The following CLSTN2 variants were observed in gnomAD, a reference collection of about 807,000 sequenced individuals.
CLSTN2 encodes calsyntenin 2.
CLSTN2 carries 48 observed loss-of-function variants against 101.2 expected under a neutral mutation model. The ratio of observed to expected loss-of-function variants is 0.47; its 90% CI spans 0.38 to 0.60. The LOEUF is 0.60. CLSTN2 is among the 20% of genes least tolerant of loss of function. The probability of loss-of-function intolerance (pLI) is 0.00; values close to 1 mark genes in which losing one functional copy is unlikely to be tolerated. For synonymous variants in CLSTN2, 481 were observed against 463.6 expected (o/e 1.04, Z -0.48); for missense variants, 1,160 against 1,238.2 (o/e 0.94, Z 0.95).
At chr3:140,484,360 T>A (rs1280170727) in intron 8 of CLSTN2, among the ~76,000 whole-genome samples, 1 of 152,224 alleles carries the variant, frequency 6.6e-6, no homozygotes, top group Non-Finnish European at 1.5e-5. Context: ...CTTCCCTTTG[T>A]GGGTAACCCG....
At chr3:140,237,550 C>T (rs932840901) in intron 2 of CLSTN2, among the ~76,000 whole-genome samples, 3 of 152,190 alleles carry the variant, frequency 2.0e-5, no homozygotes, top group Non-Finnish European at 2.9e-5. Flanking sequence ...CCTTCCTGAA[C>T]TTCTGACTCT....
At chr3:140,132,492 C>T (rs77671409) in intron 1 of CLSTN2, among the ~76,000 whole-genome samples, 6,323 of 152,166 alleles carry the variant, frequency 0.042, 443 homozygotes, top group African/African-American at 0.14. Flanking sequence ...ACATGGACCA[C>T]GGGCTTTAGT....
At chr3:140,083,412 A>G (rs939790140) in intron 1 of CLSTN2, among the ~76,000 whole-genome samples, 3 of 152,208 alleles carry the variant, frequency 2.0e-5, no homozygotes, top group Non-Finnish European at 4.4e-5. Context: ...AAAACCTTAA[A>G]TGGCTGGCTA....
intron 2 of CLSTN2, among the ~76,000 whole-genome samples, chr3:140,291,194 A>G (rs1045386551): frequency 6.6e-6 from 1 of 152,140 alleles, no homozygotes; most frequent in African/African-American, 2.4e-5. Context: ...ACATATAGAA[A>G]GAGCCTGGCC....
intron 8 of CLSTN2, among the ~76,000 whole-genome samples, chr3:140,475,376 A>C (rs966412740): frequency 2.0e-5 from 3 of 152,250 alleles, no homozygotes; most frequent in Non-Finnish European, 4.4e-5. Flanking sequence ...CATAGTCTCC[A>C]CAAACACACT....
intron 1 of CLSTN2, among the ~76,000 whole-genome samples, chr3:140,003,086 C>A (rs777350932): frequency 6.6e-6 from 1 of 152,070 alleles, no homozygotes; most frequent in African/African-American, 2.4e-5. Context: ...ATTTCTTTTT[C>A]TATTTCTGTG....
intron 2 of CLSTN2, among the ~76,000 whole-genome samples, chr3:140,365,870 G>A (rs1055966211): frequency 2.0e-5 from 3 of 152,144 alleles, no homozygotes; most frequent in South Asian, 2.1e-4. Context: ...GAGAGAAATC[G>A]AGGAACAACC....
intron 1 of CLSTN2, among the ~76,000 whole-genome samples, chr3:140,104,213 G>T (rs539808420): frequency 6.6e-6 from 1 of 152,298 alleles, no homozygotes; most frequent in East Asian, 1.9e-4. Context: ...GATGACCTGG[G>T]TTTTTCCACA....
chr3:140,352,309 CA>C (rs2107943415), intron 2 of CLSTN2, among the ~76,000 whole-genome samples: 1 of 152,234 alleles, frequency 6.6e-6, no homozygotes, highest in South Asian at 2.1e-4. Flanking sequence ...GTGTTAGGAC[CA>C]AAAAGGCAGG....
chr3:140,108,205 CACTG>C (rs2009095340), intron 1 of CLSTN2, among the ~76,000 whole-genome samples: 1 of 152,222 alleles, frequency 6.6e-6, no homozygotes, highest in Non-Finnish European at 1.5e-5. Flanking sequence ...CTGGAGCTGA[CACTG>C]ACCATTTCCA....
intron 2 of CLSTN2, among the ~76,000 whole-genome samples, chr3:140,391,341 A>C (rs2088111449): frequency 8.7e-6 from 1 of 115,186 alleles, no homozygotes; most frequent in Non-Finnish European, 1.6e-5. Context: ...ATTTTTAATC[A>C]CTGTCTAGAG....
chr3:140,188,355 A>G (rs1459219058), intron 2 of CLSTN2, among the ~76,000 whole-genome samples: 7 of 152,144 alleles, frequency 4.6e-5, no homozygotes, highest in Non-Finnish European at 1.0e-4. Flanking sequence ...GTTCTCAGTA[A>G]ATATTTGTTG....
chr3:140,086,393 A>T (rs919026751), intron 1 of CLSTN2, among the ~76,000 whole-genome samples: 2 of 152,274 alleles, frequency 1.3e-5, no homozygotes, highest in Admixed American at 6.5e-5. Flanking sequence ...TAGACAAATG[A>T]CTTAAACCCT....
chr3:140,557,285 G>A (rs956985174), intron 11 of CLSTN2, among the ~76,000 whole-genome samples: 5 of 152,106 alleles, frequency 3.3e-5, no homozygotes, highest in African/African-American at 9.7e-5. Context: ...ACCTAGAGTC[G>A]GGAGAAGGAC....
chr3:140,002,762 G>A (rs2006868660), intron 1 of CLSTN2, among the ~76,000 whole-genome samples: 1 of 152,112 alleles, frequency 6.6e-6, no homozygotes, highest in Non-Finnish European at 1.5e-5. Context: ...TAGGAGTCAA[G>A]TTTCATTCTT....
intron 2 of CLSTN2, among the ~76,000 whole-genome samples, chr3:140,183,751 T>C (rs529688782): frequency 1.1e-3 from 170 of 152,332 alleles, no homozygotes; most frequent in African/African-American, 3.6e-3. Flanking sequence ...GAAAATTAGC[T>C]AATGTTTATA....
intron 2 of CLSTN2, among the ~76,000 whole-genome samples, chr3:140,318,557 A>T (rs2087251941): frequency 6.6e-6 from 1 of 152,212 alleles, no homozygotes; most frequent in Non-Finnish European, 1.5e-5. Context: ...GCTGTAACCT[A>T]AACATTAGTG....
At chr3:140,406,106 G>A (rs923059794) in intron 4 of CLSTN2, among the ~76,000 whole-genome samples, 3 of 152,342 alleles carry the variant, frequency 2.0e-5, no homozygotes. Context: ...GGGTTGGGCA[G>A]CAAATTAGCT....
At chr3:140,457,668 G>T (rs1471888101) in intron 6 of CLSTN2, among the ~76,000 whole-genome samples, 2 of 152,240 alleles carry the variant, frequency 1.3e-5, no homozygotes, top group African/African-American at 4.8e-5. Context: ...GATGAGAGGC[G>T]TGGAGCGTGG....
Sources: gnomAD v4.1 joint callset for allele counts (sites outside exome capture counted in the v4.1 genomes callset) on GRCh38, gnomAD v4.1.1 for gene constraint, MANE v1.5 for transcripts, NCBI Gene and HGNC (gene_info 2026-07-23, HGNC 2026-07-21) for gene names.